Variants in RAB17 observed in about 807,000 individuals in gnomAD.
RAB17 encodes the protein ras-related protein Rab-17.
A neutral mutation model predicts 19.3 loss-of-function variants in RAB17; 15 were observed. That is an observed-to-expected ratio of 0.78 (90% CI 0.52 to 1.20). RAB17 has a LOEUF of 1.20. Ranked by LOEUF, RAB17 falls within the 50% of genes most tolerant of loss-of-function variation. RAB17 has a pLI of 0.00. For synonymous variants in RAB17, 110 were observed against 112.8 expected (o/e 0.97, Z 0.16); for missense variants, 262 against 269.3 (o/e 0.97, Z 0.19).
At chr2:237,577,938 C>T (rs1447566906) in intron 3 of RAB17, 66 bp downstream of exon 3, 2 of 1,516,578 alleles carry the variant, frequency 1.3e-6, no homozygotes, top group Admixed American at 1.9e-5. Context: ...GGCATCATTG[C>T]ACTGGAGAAA....
intron 2 of RAB17, among the ~76,000 whole-genome samples, chr2:237,584,966 C>T (rs187223374): frequency 6.6e-6 from 1 of 152,344 alleles, no homozygotes; most frequent in African/African-American, 2.4e-5. Context: ...GCCCTTCTCA[C>T]CACTAGCTCT....
At chr2:237,588,416 C>T (rs1378852473) in intron 1 of RAB17, among the ~76,000 whole-genome samples, 1 of 152,210 alleles carries the variant, frequency 6.6e-6, no homozygotes, top group Non-Finnish European at 1.5e-5. Context: ...TAAAGCAGCA[C>T]AAACAGACTA....
intron 2 of RAB17, 74 bp from the exon 3 acceptor site, chr2:237,578,229 A>G (rs1457354596): frequency 3.4e-6 from 5 of 1,474,360 alleles, no homozygotes; most frequent in Non-Finnish European, 4.6e-6. Context: ...GACCACGGCA[A>G]GCCGCAGGCA....
At chr2:237,588,197 G>A (rs917371186) in intron 1 of RAB17, among the ~76,000 whole-genome samples, 1 of 151,580 alleles carries the variant, frequency 6.6e-6, no homozygotes, top group East Asian at 1.9e-4. Flanking sequence ...CTCTGCCCTC[G>A]TTAATCCACG....
chr2:237,574,915 G>T lies in RAB17; in HGVS notation c.*104C>A. The T allele has an allele frequency of 1.0e-6, 1 of 962,798 alleles. No homozygotes were observed. 59.6% of individuals were successfully genotyped at this position (962,798 alleles called of 1,614,324 possible). A position where few individuals can be genotyped will look rare whatever the true frequency, so the allele number is the denominator to read the frequency against. The stretch of plus-strand genomic sequence containing the variant: ...GGGGCCAACTTCCAGGAACATCTAG[G>T]GCTCGGGAGCAACCCAGCATTGACA... On this transcript the variant is annotated 3_prime_UTR_variant, in exon 6 of 6. Coordinates refer to ENST00000264601, the MANE Select transcript of RAB17 (RefSeq NM_022449.4).
Position 237,574,801 on chromosome 2 carries a change from G to C in RAB17, c.*218C>G. The C allele has an allele frequency of 1.0e-6, 1 of 955,040 alleles. No individual in the cohort carries two copies. The highest frequency in any genetic ancestry group is 1.5e-6 in the Non-Finnish European group (1 of 672,408). 59.2% of individuals were successfully genotyped at this position (955,040 alleles called of 1,614,324 possible). ...CGGGGAATCAGATGGTATCAGTGGG[G>C]ATAGGGCACAGCACTTTCCTGGGAG... On this transcript the variant is annotated 3_prime_UTR_variant, in exon 6 of 6. Transcript: ENST00000264601.
intron 2 of RAB17, among the ~76,000 whole-genome samples, chr2:237,584,683 C>G (rs2081334673): frequency 6.6e-6 from 1 of 152,218 alleles, no homozygotes; most frequent in African/African-American, 2.4e-5. Context: ...CTCTCTGCAT[C>G]TTGAATACCA....
At chr2:237,582,292 T>G (rs2081314992) in intron 2 of RAB17, among the ~76,000 whole-genome samples, 1 of 152,204 alleles carries the variant, frequency 6.6e-6, no homozygotes, top group Admixed American at 6.5e-5. Flanking sequence ...CCCACACACC[T>G]GTCGACTGAA....
intron 4 of RAB17, among the ~76,000 whole-genome samples, chr2:237,576,255 A>G (rs2081262130): frequency 6.6e-6 from 1 of 151,882 alleles, no homozygotes; most frequent in South Asian, 2.1e-4. Context: ...CCGGCCCTGC[A>G]TTTGTCCCCA....
chr2:237,580,194 G>C (rs922205294), intron 2 of RAB17, among the ~76,000 whole-genome samples: 2 of 152,236 alleles, frequency 1.3e-5, no homozygotes, highest in African/African-American at 4.8e-5. Flanking sequence ...TAAATCGCCT[G>C]AGCAAGGAGA....
intron 2 of RAB17, 109 bp downstream of exon 2, chr2:237,585,889 C>T: frequency 8.1e-7 from 1 of 1,240,028 alleles, no homozygotes; most frequent in East Asian, 2.6e-5. Context: ...CTCAAGGTCC[C>T]AGCATGGGGA....
intron 1 of RAB17, among the ~76,000 whole-genome samples, chr2:237,588,036 G>C (rs377695127): frequency 5.5e-4 from 84 of 152,124 alleles, no homozygotes; most frequent in African/African-American, 2.0e-3. Context: ...CACAGCACCT[G>C]TGCTTTGAAA....
intron 4 of RAB17, chr2:237,576,711 G>A: frequency 2.1e-6 from 1 of 471,222 alleles, no homozygotes. Flanking sequence ...TGGGGGAGGT[G>A]GGATGCCGTG....
intron 2 of RAB17, chr2:237,579,700 G>T (rs1313258908): frequency 6.6e-6 from 1 of 151,998 alleles, no homozygotes; most frequent in East Asian, 1.9e-4. Flanking sequence ...GCCTCTTTAC[G>T]GGTGGGAGAA....
Position 237,574,608 on chromosome 2 carries a change from C to A in RAB17, c.*411G>T, listed in dbSNP as rs1315092266. ...CCATCTGGCCTGCTCCCCAACCCCCCAGAAGCAGGTGGGCCCAGGCTCCAG... is the reference window on the plus strand; with the variant it reads ...CCATCTGGCCTGCTCCCCAACCCCCAAGAAGCAGGTGGGCCCAGGCTCCAG... On this transcript the variant is annotated 3_prime_UTR_variant, in exon 6 of 6. Transcript: ENST00000264601. 9 of 1,533,438 alleles carry A rather than the reference C, an allele frequency of 5.9e-6. No individual in the cohort carries two copies. In the Admixed American group the frequency reaches 1.0e-4, roughly 17 times the overall value. 95.0% of individuals were successfully genotyped at this position (1,533,438 alleles called of 1,614,324 possible).
At position 237,574,543 on chromosome 2, in the gene RAB17, C is replaced by A; in HGVS notation, c.*476G>T. On this transcript the variant is annotated 3_prime_UTR_variant, in exon 6 of 6. Coordinates refer to ENST00000264601, the MANE Select transcript of RAB17 (RefSeq NM_022449.4). ...ATGTGGAAATCCTGGGCCCACCCCA[C>A]AGTCAGTCATCGCTCCATTTCTTCC... 1 of 1,550,482 alleles carries A rather than the reference C, an allele frequency of 6.4e-7. No homozygotes were observed. Among genetic ancestry groups the A allele is most frequent in the Non-Finnish European group, 8.7e-7 (1 of 1,146,906 alleles).
intron 2 of RAB17, chr2:237,579,603 T>C (rs983704269): frequency 6.6e-6 from 1 of 152,250 alleles, no homozygotes; most frequent in African/African-American, 2.4e-5. Flanking sequence ...CTAAGTTCCA[T>C]CTTGTTGGCC....
intron 5 of RAB17, 29 bp downstream of exon 5, chr2:237,575,358 C>T (rs1314410056): frequency 1.9e-6 from 3 of 1,569,026 alleles, no homozygotes; most frequent in Non-Finnish European, 2.6e-6. Context: ...GCACCTCCCC[C>T]TTGTCTGGCC....
intron 1 of RAB17, among the ~76,000 whole-genome samples, chr2:237,589,344 G>A (rs1318560685): frequency 6.6e-6 from 1 of 151,912 alleles, no homozygotes; most frequent in Non-Finnish European, 1.5e-5. Flanking sequence ...TTTTTTCTAT[G>A]ACTCCTAAAA....
Sources: gnomAD v4.1 joint callset for allele counts (sites outside exome capture counted in the v4.1 genomes callset) on GRCh38, gnomAD v4.1.1 for gene constraint, MANE v1.5 for transcripts, NCBI Gene and HGNC (gene_info 2026-07-23, HGNC 2026-07-21) for gene names.